WDFY3: variants seen among roughly 807,000 people sequenced by gnomAD.
The protein encoded by WDFY3 is WD repeat and FYVE domain containing 3.
In WDFY3, 66 loss-of-function variants were observed where a neutral mutation model predicts 409.6. The ratio of observed to expected loss-of-function variants is 0.16; its 90% CI spans 0.13 to 0.20. The LOEUF (loss-of-function observed/expected upper bound fraction) is 0.20. Among genes scored for constraint, WDFY3 ranks in the 10% least tolerant of loss-of-function variants. The pLI is 1.00. For missense variants in WDFY3, 3,031 were observed against 4,298.1 expected, an observed-to-expected ratio of 0.71 and a Z score of 8.24; for synonymous variants, 1,521 against 1,537.1, an observed-to-expected ratio of 0.99 and a Z score of 0.25.
chr4:84,915,077 T>C (rs1441286195), intron 2 of WDFY3, among the ~76,000 whole-genome samples: 1 of 152,120 alleles, frequency 6.6e-6, no homozygotes, highest in Non-Finnish European at 1.5e-5. Context: ...AGACTCAAAA[T>C]GACCAATATT....
chr4:84,701,580 G>A (rs926820772), intron 56 of WDFY3, among the ~76,000 whole-genome samples: 3 of 152,112 alleles, frequency 2.0e-5, no homozygotes, highest in Non-Finnish European at 4.4e-5. Flanking sequence ...ATTCTCACAT[G>A]GAAACAATGG....
intron 1 of WDFY3, among the ~76,000 whole-genome samples, chr4:84,958,577 GA>G (rs1183692753): frequency 2.0e-5 from 3 of 152,162 alleles, no homozygotes; most frequent in Non-Finnish European, 4.4e-5. Flanking sequence ...CAGGTAGAAA[GA>G]AAGGCTCAGA....
intron 51 of WDFY3, 116 bp from the exon 52 acceptor site, chr4:84,709,463 C>A: frequency 2.6e-6 from 2 of 770,370 alleles, no homozygotes; most frequent in Non-Finnish European, 4.1e-6. Flanking sequence ...TATGGAGGAT[C>A]TATTAGTGGG....
chr4:84,769,365 A>C (rs1319960548), intron 30 of WDFY3, among the ~76,000 whole-genome samples: 5 of 152,188 alleles, frequency 3.3e-5, no homozygotes, highest in Admixed American at 1.3e-4. Context: ...TTGTGAAAGG[A>C]AGAGTCCATT....
At chr4:84,962,465 A>G (rs951324914) in intron 1 of WDFY3, among the ~76,000 whole-genome samples, 1 of 152,154 alleles carries the variant, frequency 6.6e-6, no homozygotes, top group African/African-American at 2.4e-5. Context: ...AATTAAATTA[A>G]CGGTTTTCAG....
rs201393648 is a variant in WDFY3 at position 84,821,535 on chromosome 4, G to A, written c.1140C>T (p.Asn380=). ...TCTGAAGAACTGCAAAGGCCTGGACGTTTCTCACACTGTGACCTAGAACAG... is the reference window on the plus strand; with the variant it reads ...TCTGAAGAACTGCAAAGGCCTGGACATTTCTCACACTGTGACCTAGAACAG... ...QPAGKGHSVR[N]VQAFAVLQNA... is the part of the protein sequence containing the mutation. Residue 380 remains asparagine (N), a synonymous_variant, in exon 11 of 68, where the codon AAC becomes AAT. Transcript: ENST00000295888. The A allele has an allele frequency of 1.6e-5, 25 of 1,611,994 alleles. No homozygotes were observed. The highest frequency in any genetic ancestry group is 1.7e-4 in the Middle Eastern group (1 of 6,042).
intron 38 of WDFY3, 33 bp downstream of exon 38, chr4:84,741,728 T>C (rs773066789): frequency 1.3e-6 from 2 of 1,544,620 alleles, no homozygotes; most frequent in Middle Eastern, 1.8e-4. Flanking sequence ...CAGGAAAACA[T>C]GTACTCTACA....
At chr4:84,707,605 A>G (rs1052752468) in intron 53 of WDFY3, among the ~76,000 whole-genome samples, 1 of 152,228 alleles carries the variant, frequency 6.6e-6, no homozygotes, top group African/African-American at 2.4e-5. Context: ...TGAGATACAT[A>G]TTCAAATATG....
At chr4:84,704,567 A>G (rs1349712611) in intron 54 of WDFY3, 123 bp from the exon 55 acceptor site, 10 of 658,950 alleles carry the variant, frequency 1.5e-5, no homozygotes, top group Non-Finnish European at 2.2e-5. Flanking sequence ...TGCAATTAGT[A>G]CTGGCATTTG....
chr4:84,693,820 A>G (rs1052311817), intron 58 of WDFY3, among the ~76,000 whole-genome samples: 6 of 151,454 alleles, frequency 4.0e-5, no homozygotes, highest in African/African-American at 1.5e-4. Context: ...GCTTGAACCC[A>G]GGAGGTGGAG....
At chr4:84,850,483 A>AT (rs1758755923) in intron 4 of WDFY3, among the ~76,000 whole-genome samples, 1 of 151,944 alleles carries the variant, frequency 6.6e-6, no homozygotes, top group African/African-American at 2.4e-5. Flanking sequence ...TGCCTGGCTA[A>AT]TTTTTGTATT....
intron 5 of WDFY3, 120 bp downstream of exon 5, chr4:84,849,782 G>A (rs113884834): frequency 4.4e-6 from 6 of 1,353,924 alleles, no homozygotes; most frequent in Non-Finnish European, 6.1e-6. Flanking sequence ...GAAAGGGAAT[G>A]GGTAAATGAA....
At chr4:84,702,619 A>G (rs1731226656) in intron 55 of WDFY3, 113 bp from the exon 56 acceptor site, 1 of 883,802 alleles carries the variant, frequency 1.1e-6, no homozygotes, top group Non-Finnish European at 1.6e-6. Context: ...TCAATTTCCC[A>G]TTATCCTACA....
chr4:84,733,335 T>C, intron 44 of WDFY3, 47 bp downstream of exon 44: 1 of 1,574,070 alleles, frequency 6.4e-7, no homozygotes, highest in Admixed American at 1.9e-5. Flanking sequence ...CAGAGGAAAA[T>C]AAAAACTTGA....
intron 32 of WDFY3, among the ~76,000 whole-genome samples, chr4:84,758,538 G>A (rs577968624): frequency 6.6e-6 from 1 of 152,266 alleles, no homozygotes; most frequent in Non-Finnish European, 1.5e-5. Flanking sequence ...ATGAGAGACT[G>A]CACTCAGCAA....
chr4:84,890,556 A>T (rs1432079500), intron 3 of WDFY3, among the ~76,000 whole-genome samples: 1 of 152,200 alleles, frequency 6.6e-6, no homozygotes, highest in African/African-American at 2.4e-5. Context: ...TTGCCTGGTC[A>T]TAATAGTTAC....
chr4:84,707,714 T>C (rs1732197340), intron 53 of WDFY3, among the ~76,000 whole-genome samples: 1 of 152,238 alleles, frequency 6.6e-6, no homozygotes, highest in South Asian at 2.1e-4. Flanking sequence ...CTTTCCTTGA[T>C]TGACTTAAAG....
At chr4:84,698,461 C>A (rs971858588) in intron 56 of WDFY3, among the ~76,000 whole-genome samples, 2 of 151,438 alleles carry the variant, frequency 1.3e-5, no homozygotes, top group African/African-American at 4.9e-5. Context: ...TTTGAAGGGA[C>A]GAGGTTTTGC....
At position 84,679,237 on chromosome 4, in the gene WDFY3, C is replaced by T; in HGVS notation, c.9829G>A (p.Glu3277Lys). ...EDCPEAQIGQ[E>K]AQDEDSSDSE... ...TCACTGCTGTCCTCGTCTTGGGCTT[C>T]CTGCCCTGGGTGAAGCATTGAGAGA... Residue 3277 changes from glutamate (E) to lysine (K), a missense_variant, in exon 65 of 68, where the codon GAA becomes AAA. Physicochemically the swap from Glu to Lys is moderately conservative, Grantham distance 56. Around this residue, in one of 16 missense-constraint regions of WDFY3, gnomAD observed 378 missense variants for 477.3 expected, o/e 0.79. Transcript: ENST00000295888. 1 of 1,526,756 alleles carries T rather than the reference C, an allele frequency of 6.5e-7. No homozygotes were observed. Among genetic ancestry groups the T allele is most frequent in the Non-Finnish European group, 8.8e-7 (1 of 1,131,608 alleles). The allele number at this position is 1,526,756 out of a possible 1,614,324, so 94.6% of individuals were successfully genotyped here.
Sources: allele counts gnomAD v4.1 joint callset (sites outside exome capture counted in the v4.1 genomes callset), GRCh38; gene constraint gnomAD v4.1.1; regional missense constraint gnomAD v4.1.1; transcripts MANE v1.5; gene names NCBI Gene and HGNC (gene_info 2026-07-23, HGNC 2026-07-21).